Variants in MDGA2 observed in about 807,000 individuals in gnomAD.
MDGA2 encodes the protein MAM domain containing glycosylphosphatidylinositol anchor 2.
A neutral mutation model predicts 117.8 loss-of-function variants in MDGA2; 40 were observed. The observed-to-expected ratio is 0.34, with a 90% CI of 0.26 to 0.44. MDGA2 has a LOEUF of 0.44. MDGA2 is among the 20% of genes least tolerant of loss of function. The probability of loss-of-function intolerance (pLI) is 1.00; values close to 1 mark genes in which losing one functional copy is unlikely to be tolerated. For synonymous variants in MDGA2, 452 were observed against 439.0 expected, an observed-to-expected ratio of 1.03 and a Z score of -0.37; for missense variants, 1,123 against 1,250.6, an observed-to-expected ratio of 0.90 and a Z score of 1.54.
At chr14:47,465,702 A>T (rs1393134231) in intron 1 of MDGA2, among the ~76,000 whole-genome samples, 2 of 152,174 alleles carry the variant, frequency 1.3e-5, no homozygotes, top group Non-Finnish European at 2.9e-5. Flanking sequence ...AAGGTGGCAG[A>T]AAAAAGGGGA....
chr14:47,674,421 G>A (rs1484312225), intron 1 of MDGA2, 96 bp downstream of exon 1: 2 of 1,060,452 alleles, frequency 1.9e-6, no homozygotes, highest in South Asian at 1.5e-5. Flanking sequence ...GCCACGCCGG[G>A]AGGGGCCCCG....
Position 46,864,527 on chromosome 14 carries a change from C to T in MDGA2, c.2752+8906G>A, listed in dbSNP as rs190079607. On this transcript the variant is annotated intron_variant, in intron 14 of 16. Transcript: ENST00000399232. ...AATACTGACATATCTTGTTTTGTTG[C>T]GCTTTGCAGATATTGCTGTTTTTTT... Among the ~76,000 whole-genome samples the T allele has an allele frequency of 3.1e-3, 272 of 86,498 alleles. 1 individual carries two copies. The highest frequency in any genetic ancestry group is 4.8e-3 in the Non-Finnish European group (208 of 42,896). 56.7% of individuals were successfully genotyped at this position (86,498 alleles called of 152,430 possible). A position where few individuals can be genotyped will look rare whatever the true frequency, so the allele number is the denominator to read the frequency against.
At chr14:47,191,902 C>T (rs968138808) in intron 3 of MDGA2, among the ~76,000 whole-genome samples, 2 of 152,072 alleles carry the variant, frequency 1.3e-5, no homozygotes, top group African/African-American at 4.8e-5. Flanking sequence ...AAACTGGATG[C>T]TAATCAAGTG....
chr14:47,477,625 C>T (rs1172127148), intron 1 of MDGA2, among the ~76,000 whole-genome samples: 1 of 152,060 alleles, frequency 6.6e-6, no homozygotes, highest in Non-Finnish European at 1.5e-5. Flanking sequence ...TAAGTTATTC[C>T]TGAATGCCAA....
intron 1 of MDGA2, among the ~76,000 whole-genome samples, chr14:47,436,255 A>G (rs1892895914): frequency 6.6e-6 from 1 of 152,188 alleles, no homozygotes; most frequent in Non-Finnish European, 1.5e-5. Context: ...TTAAATGGCT[A>G]AAGTTTATAT....
intron 8 of MDGA2, among the ~76,000 whole-genome samples, chr14:46,972,386 G>A (rs894832917): frequency 6.6e-6 from 1 of 152,094 alleles, no homozygotes; most frequent in African/African-American, 2.4e-5. Flanking sequence ...AAAAGATATT[G>A]AGCCATTTGT....
In MDGA2 at chr14:47,428,093, G is replaced by T. The variant is rs539083203; in HGVS notation, c.281-126543C>A. On this transcript the variant is annotated intron_variant, in intron 1 of 16. Transcript: ENST00000399232. ...CTGTTCACAAGGAAACTTTCCTAGG[G>T]ATGCACTGCATTAAAAATATATCAT... Among the ~76,000 whole-genome samples, 10 of 152,100 alleles carry T rather than the reference G, an allele frequency of 6.6e-5. No homozygotes were observed. In the South Asian group the frequency reaches 2.1e-3, roughly 32 times the overall value.
intron 1 of MDGA2, among the ~76,000 whole-genome samples, chr14:47,508,671 CTTTT>C (rs1486249839): frequency 2.0e-5 from 3 of 151,682 alleles, no homozygotes; most frequent in South Asian, 2.1e-4. Flanking sequence ...AGGAACACAA[CTTTT>C]TTGTTTGTTT....
At chr14:47,563,577 T>TG (rs1895856923) in intron 1 of MDGA2, among the ~76,000 whole-genome samples, 10 of 66,334 alleles carry the variant, frequency 1.5e-4, no homozygotes, top group African/African-American at 4.3e-4. Flanking sequence ...TGCTTTTTTC[T>TG]GTTTTTTTTT....
intron 8 of MDGA2, among the ~76,000 whole-genome samples, chr14:46,987,353 C>T (rs1886897813): frequency 2.6e-5 from 4 of 152,032 alleles, no homozygotes; most frequent in African/African-American, 9.7e-5. Context: ...CCTGCCAGAG[C>T]ATAACTGAGA....
At chr14:46,998,545 G>C (rs1399763066) in intron 8 of MDGA2, among the ~76,000 whole-genome samples, 2 of 152,058 alleles carry the variant, frequency 1.3e-5, no homozygotes, top group Non-Finnish European at 2.9e-5. Context: ...TCCAGTATGA[G>C]ATCCAGAAGT....
chr14:47,593,225 G>T (rs1447751278), intron 1 of MDGA2, among the ~76,000 whole-genome samples: 1 of 152,134 alleles, frequency 6.6e-6, no homozygotes, highest in Non-Finnish European at 1.5e-5. Context: ...AAAAAGTCAA[G>T]AAACAACAGA....
At chr14:47,304,530 T>G (rs1889380224) in intron 1 of MDGA2, among the ~76,000 whole-genome samples, 2 of 152,114 alleles carry the variant, frequency 1.3e-5, no homozygotes, top group Admixed American at 1.3e-4. Context: ...GTAGCAGAAT[T>G]GCTCCAAACT....
At chr14:47,673,902 C>T (rs1898123098) in intron 1 of MDGA2, among the ~76,000 whole-genome samples, 1 of 151,976 alleles carries the variant, frequency 6.6e-6, no homozygotes, top group Non-Finnish European at 1.5e-5. Flanking sequence ...TGCACTTGCT[C>T]ATCCATTCAC....
chr14:47,670,326 G>A (rs1352941583), intron 1 of MDGA2, among the ~76,000 whole-genome samples: 2 of 152,050 alleles, frequency 1.3e-5, no homozygotes, highest in Non-Finnish European at 2.9e-5. Flanking sequence ...TTTGCAGTGG[G>A]GATTTGTCTG....
chr14:47,036,698 T>C (rs1048776574), intron 7 of MDGA2, among the ~76,000 whole-genome samples: 7 of 152,246 alleles, frequency 4.6e-5, no homozygotes, highest in Non-Finnish European at 7.3e-5. Context: ...TCCTTCTAGT[T>C]TGATTATGGC....
At chr14:46,880,803 CAAAAA>C (rs568224124) in intron 11 of MDGA2, among the ~76,000 whole-genome samples, 2 of 54,086 alleles carry the variant, frequency 3.7e-5, no homozygotes, top group African/African-American at 1.4e-4. Flanking sequence ...ATCCCGTCTC[CAAAAA>C]AAAAAAAAAA....
At chr14:47,062,192 C>A (rs1263805269) in intron 6 of MDGA2, among the ~76,000 whole-genome samples, 1 of 152,044 alleles carries the variant, frequency 6.6e-6, no homozygotes, top group Non-Finnish European at 1.5e-5. Context: ...TTACTATGAA[C>A]TTTTCTATTC....
At chr14:47,166,264 G>C (rs920543807) in intron 3 of MDGA2, among the ~76,000 whole-genome samples, 1 of 151,968 alleles carries the variant, frequency 6.6e-6, no homozygotes. Flanking sequence ...TTGATCTCTA[G>C]ACCTCGTGAT....
Sources: gnomAD v4.1 joint callset for allele counts (sites outside exome capture counted in the v4.1 genomes callset) on GRCh38, gnomAD v4.1.1 for gene constraint, MANE v1.5 for transcripts, NCBI Gene and HGNC (gene_info 2026-07-23, HGNC 2026-07-21) for gene names.